COL22A1: variants seen among roughly 807,000 people sequenced by gnomAD.
The protein encoded by COL22A1 is collagen alpha-1(XXII) chain.
COL22A1 carries 221 observed loss-of-function variants against 248.9 expected under a neutral mutation model. The observed-to-expected ratio is 0.89, with a 90% CI of 0.80 to 0.99. The LOEUF (loss-of-function observed/expected upper bound fraction) is 0.99, where lower values mean the gene tolerates loss of function less well. Ranked by LOEUF, COL22A1 falls within the 50% of genes least tolerant of loss-of-function variation. The pLI, the probability that COL22A1 is intolerant of heterozygous loss-of-function variation, is 0.00. For missense variants in COL22A1, 2,240 were observed against 2,179.0 expected, an observed-to-expected ratio of 1.03 and a Z score of -0.56; for synonymous variants, 891 against 793.4, an observed-to-expected ratio of 1.12 and a Z score of -2.07.
intron 16 of COL22A1, among the ~76,000 whole-genome samples, chr8:138,764,805 C>T (rs1586684914): frequency 6.6e-6 from 1 of 152,028 alleles, no homozygotes. Context: ...CTGAAAAATA[C>T]AAAAACATTA....
intron 12 of COL22A1, among the ~76,000 whole-genome samples, chr8:138,788,859 C>T (rs1433133676): frequency 1.3e-5 from 2 of 152,140 alleles, no homozygotes; most frequent in Non-Finnish European, 2.9e-5. Context: ...AGAAACCCTC[C>T]GAGGCAAGTA....
At chr8:138,722,354 G>A (rs868304140) in intron 25 of COL22A1, among the ~76,000 whole-genome samples, 1 of 152,146 alleles carries the variant, frequency 6.6e-6, no homozygotes, top group Non-Finnish European at 1.5e-5. Flanking sequence ...GTGGGGGCGT[G>A]GGAGGACATC....
At chr8:138,873,764 G>A (rs1489290602) in intron 3 of COL22A1, among the ~76,000 whole-genome samples, 2 of 152,124 alleles carry the variant, frequency 1.3e-5, no homozygotes, top group Non-Finnish European at 2.9e-5. Context: ...ATGAATGAAT[G>A]AATGAAGGGA....
At chr8:138,781,659 A>C (rs1815019396) in intron 12 of COL22A1, among the ~76,000 whole-genome samples, 1 of 152,072 alleles carries the variant, frequency 6.6e-6, no homozygotes, top group South Asian at 2.1e-4. Flanking sequence ...CCCACTTTCT[A>C]CTCCACACAC....
chr8:138,722,171 CT>C, intron 25 of COL22A1, 82 bp from the exon 26 acceptor site: 1 of 1,269,516 alleles, frequency 7.9e-7, no homozygotes. Context: ...AAACCAGGAG[CT>C]GTTTTTGCAG....
intron 3 of COL22A1, among the ~76,000 whole-genome samples, chr8:138,875,131 G>A (rs1336116548): frequency 6.6e-6 from 1 of 152,146 alleles, no homozygotes; most frequent in African/African-American, 2.4e-5. Flanking sequence ...TGGAATGAAT[G>A]GGTCCAGGTT....
At chr8:138,719,573 G>A (rs1829710462) in intron 27 of COL22A1, among the ~76,000 whole-genome samples, 1 of 152,014 alleles carries the variant, frequency 6.6e-6, no homozygotes, top group Admixed American at 6.6e-5. Flanking sequence ...GTTTTAATTG[G>A]GTCTTTTAAA....
At chr8:138,645,156 A>G (rs956733262) in intron 47 of COL22A1, among the ~76,000 whole-genome samples, 1 of 152,198 alleles carries the variant, frequency 6.6e-6, no homozygotes, top group Non-Finnish European at 1.5e-5. Context: ...TTATAATGGT[A>G]AAAAACATAC....
intron 39 of COL22A1, among the ~76,000 whole-genome samples, chr8:138,681,674 T>C (rs1161186214): frequency 1.3e-5 from 2 of 152,122 alleles, no homozygotes; most frequent in Non-Finnish European, 2.9e-5. Flanking sequence ...CTGCCACGTA[T>C]CTTCAGATTG....
intron 12 of COL22A1, among the ~76,000 whole-genome samples, chr8:138,789,278 C>T (rs1340840005): frequency 6.6e-6 from 1 of 152,210 alleles, no homozygotes; most frequent in African/African-American, 2.4e-5. Flanking sequence ...GGGCATTTTG[C>T]CCCTAACCTA....
chr8:138,714,769 C>G (rs932038709), intron 30 of COL22A1, among the ~76,000 whole-genome samples: 1 of 152,176 alleles, frequency 6.6e-6, no homozygotes, highest in African/African-American at 2.4e-5. Context: ...TAGGGCTCCA[C>G]AAATGCCATG....
intron 9 of COL22A1, among the ~76,000 whole-genome samples, chr8:138,810,979 C>A (rs1405015093): frequency 6.6e-6 from 1 of 152,134 alleles, no homozygotes; most frequent in Non-Finnish European, 1.5e-5. Context: ...AGATGAAGGG[C>A]CCCGGGGCCA....
rs2130821845 is a variant in COL22A1 at position 138,679,616 on chromosome 8, C to T, written c.3072+1G>A. On this transcript the variant is annotated splice_donor_variant, in intron 40 of 64. Coordinates refer to ENST00000303045, the MANE Select transcript of COL22A1 (RefSeq NM_152888.3). LOFTEE classifies it high-confidence loss of function. ...AAATGTTTGCATAGATCTTCACTGA[C>T]CTTAACACATTGCCCTCCCAGTGCA... 6.2e-7 allele frequency: 1 copy of T among 1,613,646 alleles called. No homozygotes were observed. Among genetic ancestry groups the T allele is most frequent in the Non-Finnish European group, 8.5e-7 (1 of 1,179,580 alleles).
chr8:138,800,562 T>C (rs895888748), intron 11 of COL22A1, among the ~76,000 whole-genome samples: 5 of 152,188 alleles, frequency 3.3e-5, no homozygotes, highest in Non-Finnish European at 7.3e-5. Context: ...AGCTAGTAGG[T>C]TGTGGAACCA....
intron 50 of COL22A1, among the ~76,000 whole-genome samples, chr8:138,629,669 C>T (rs1820544013): frequency 6.6e-6 from 1 of 152,232 alleles, no homozygotes; most frequent in East Asian, 1.9e-4. Context: ...CTCAAATTGA[C>T]TTAACTCCCA....
chr8:138,899,494 C>G (rs79154715), intron 1 of COL22A1, among the ~76,000 whole-genome samples: 1 of 152,012 alleles, frequency 6.6e-6, no homozygotes, highest in Non-Finnish European at 1.5e-5. Flanking sequence ...TTTGAACTTG[C>G]GTGCATTAAT....
chr8:138,722,912 G>T (rs913138854), intron 25 of COL22A1, among the ~76,000 whole-genome samples: 6 of 148,538 alleles, frequency 4.0e-5, no homozygotes, highest in African/African-American at 1.5e-4. Context: ...AGGTGTGCAG[G>T]GGGAGGGAGA....
At chr8:138,611,145 A>G (rs1213379614) in intron 56 of COL22A1, among the ~76,000 whole-genome samples, 1 of 152,252 alleles carries the variant, frequency 6.6e-6, no homozygotes, top group Non-Finnish European at 1.5e-5. Context: ...TCGCTGCCCT[A>G]TGCCAAGAGG....
chr8:138,838,395 C>A (rs1490635179), intron 4 of COL22A1, among the ~76,000 whole-genome samples: 2 of 152,074 alleles, frequency 1.3e-5, no homozygotes, highest in African/African-American at 4.8e-5. Context: ...CGGACACGTG[C>A]CTACCCTGGG....
Sources: allele counts gnomAD v4.1 joint callset (sites outside exome capture counted in the v4.1 genomes callset), GRCh38; gene constraint gnomAD v4.1.1; transcripts MANE v1.5; gene names NCBI Gene and HGNC (gene_info 2026-07-23, HGNC 2026-07-21).